The following CPAP variants were observed in gnomAD, a reference collection of about 807,000 sequenced individuals.
CPAP encodes centrosomal P4.1-associated protein.
chr13:24,910,681 C>T, the CPAP span, among the ~76,000 whole-genome samples: 3 of 152,216 alleles, frequency 2.0e-5, no homozygotes, highest in African/African-American at 7.2e-5. Flanking sequence ...CTGCATGAGG[C>T]TAGTTCTTAT....
the CPAP span, among the ~76,000 whole-genome samples, chr13:24,897,552 A>G: frequency 6.6e-6 from 1 of 152,230 alleles, no homozygotes; most frequent in South Asian, 2.1e-4. Flanking sequence ...GTAAACAGAA[A>G]AAGAACAGAA....
At chr13:24,899,221 G>T in the CPAP span, among the ~76,000 whole-genome samples, 13 of 152,306 alleles carry the variant, frequency 8.5e-5, no homozygotes, top group South Asian at 2.1e-4. Flanking sequence ...AGTAAGAAAA[G>T]AACTGAAATC....
At chr13:24,912,757 G>A in the CPAP span, 1 of 1,614,174 alleles carries the variant, frequency 6.2e-7, no homozygotes, top group South Asian at 1.1e-5. Flanking sequence ...AGATTTATCT[G>A]ACTGTGGTTT....
the CPAP span, among the ~76,000 whole-genome samples, chr13:24,931,855 A>G: frequency 6.6e-6 from 1 of 152,228 alleles, no homozygotes; most frequent in African/African-American, 2.4e-5. Flanking sequence ...GTTAAAGGAC[A>G]GCACCATCCA....
chr13:24,899,466 T>C, the CPAP span: 38 of 1,613,444 alleles, frequency 2.4e-5, no homozygotes, highest in African/African-American at 1.3e-5. Context: ...CTTGCAGCTG[T>C]AGTATACTTT....
the CPAP span, among the ~76,000 whole-genome samples, chr13:24,928,331 T>C: frequency 6.6e-6 from 1 of 152,200 alleles, no homozygotes; most frequent in Non-Finnish European, 1.5e-5. Flanking sequence ...GTCTGGCCTC[T>C]AGACAAACCC....
chr13:24,898,267 G>A, the CPAP span, among the ~76,000 whole-genome samples: 2 of 152,160 alleles, frequency 1.3e-5, no homozygotes, highest in Admixed American at 6.5e-5. Context: ...ATGAGGAGAT[G>A]TCTGGGATTT....
chr13:24,922,012 G>A, the CPAP span, among the ~76,000 whole-genome samples: 1 of 152,178 alleles, frequency 6.6e-6, no homozygotes, highest in Non-Finnish European at 1.5e-5. Context: ...TGTGGACTCA[G>A]ACTTTACAGA....
the CPAP span, among the ~76,000 whole-genome samples, chr13:24,918,612 T>C: frequency 6.6e-6 from 1 of 152,020 alleles, no homozygotes; most frequent in African/African-American, 2.4e-5. Flanking sequence ...AAGAAAATAA[T>C]AAAAAATATA....
At chr13:24,888,935 CATTT>C in the CPAP span, among the ~76,000 whole-genome samples, 1 of 151,938 alleles carries the variant, frequency 6.6e-6, no homozygotes, top group Non-Finnish European at 1.5e-5. Flanking sequence ...TGCAGATCTC[CATTT>C]TTTTTTCAAG....
the CPAP span, chr13:24,911,908 T>C: frequency 3.7e-6 from 6 of 1,613,012 alleles, no homozygotes; most frequent in Middle Eastern, 1.6e-4. Flanking sequence ...AGGTAAGAAA[T>C]GTGCATTATA....
chr13:24,909,947 A>G, the CPAP span: 1 of 1,614,182 alleles, frequency 6.2e-7, no homozygotes. Context: ...CATGGGATAA[A>G]ATGTTGGACG....
chr13:24,883,496 T>C, the CPAP span: 1 of 684,676 alleles, frequency 1.5e-6, no homozygotes. Context: ...TGGTTATCCC[T>C]ATACAATTGT....
chr13:24,895,446 C>G, the CPAP span, among the ~76,000 whole-genome samples: 1 of 152,044 alleles, frequency 6.6e-6, no homozygotes. Context: ...GGCGTGGTGG[C>G]GGGTGCCTGT....
chr13:24,906,780 G>A, the CPAP span: 2 of 1,614,202 alleles, frequency 1.2e-6, no homozygotes, highest in South Asian at 2.2e-5. Flanking sequence ...TTCCGCTGGA[G>A]TTGCTGTCTA....
the CPAP span, among the ~76,000 whole-genome samples, chr13:24,909,101 A>T: frequency 1.3e-5 from 2 of 152,224 alleles, no homozygotes; most frequent in African/African-American, 4.8e-5. Flanking sequence ...ATCAGTAATA[A>T]CTGCAGTGGT....
the CPAP span, among the ~76,000 whole-genome samples, chr13:24,905,186 T>C: frequency 2.0e-5 from 3 of 152,214 alleles, no homozygotes; most frequent in Non-Finnish European, 4.4e-5. Context: ...AAGCCTCATA[T>C]AGACCCATAA....
the CPAP span, chr13:24,903,930 G>C: frequency 6.2e-7 from 1 of 1,614,100 alleles, no homozygotes; most frequent in Non-Finnish European, 8.5e-7. Context: ...ACGTACCTGA[G>C]TTTTTCCAAG....
chr13:24,882,826 C>T, the CPAP span: 2 of 302,860 alleles, frequency 6.6e-6, no homozygotes, highest in Non-Finnish European at 1.3e-5. Context: ...TGCTCTACGG[C>T]TGATGTGTCT....
Sources: allele counts gnomAD v4.1 joint callset (sites outside exome capture counted in the v4.1 genomes callset), GRCh38; gene constraint gnomAD v4.1.1; transcripts MANE v1.5; gene names NCBI Gene and HGNC (gene_info 2026-07-23, HGNC 2026-07-21).